The following MYBPC3 variants were observed in gnomAD, a reference collection of about 807,000 sequenced individuals.
MYBPC3 encodes the protein myosin-binding protein C, cardiac-type.
MYBPC3 carries 108 observed loss-of-function variants against 159.3 expected under a neutral mutation model. The observed-to-expected ratio is 0.68, with a 90% CI of 0.58 to 0.80. The LOEUF (loss-of-function observed/expected upper bound fraction) is 0.80, where lower values mean the gene tolerates loss of function less well. Among genes scored for constraint, MYBPC3 ranks in the 30% least tolerant of loss-of-function variants. The pLI is 0.00. For missense variants in MYBPC3, 1,631 were observed against 1,762.1 expected, an observed-to-expected ratio of 0.93 and a Z score of 1.33; for synonymous variants, 730 against 702.0, an observed-to-expected ratio of 1.04 and a Z score of -0.63.
chr11:47,349,675 G>T, intron 5 of MYBPC3, 99 bp downstream of exon 5: 1 of 1,451,368 alleles, frequency 6.9e-7, no homozygotes, highest in Non-Finnish European at 9.2e-7. Flanking sequence ...TGCAGCTCGT[G>T]TGTGCCTCTG....
rs370632180 is a variant in MYBPC3 at position 47,346,632 on chromosome 11, G to C, written c.921C>G (p.Thr307=). ...GTGCTATGTTGGGCACTCACCTCGGGGTCCGGAAACTGCTGCTCCAGGGGT... is the reference window on the plus strand; with the variant it reads ...GTGCTATGTTGGGCACTCACCTCGGCGTCCGGAAACTGCTGCTCCAGGGGT... ...SLLKKRDSFR[T]PRDSKLEAPA... is the part of the protein sequence containing the mutation. Residue 307 remains threonine (T), a synonymous_variant, in exon 11 of 35, where the codon ACC becomes ACG. Coordinates refer to ENST00000545968, the MANE Select transcript of MYBPC3 (RefSeq NM_000256.3). This position sits in a 1 kb window ranked among gnomAD's most constrained non-coding sequence, Gnocchi z 5.3. 6.3e-7 allele frequency: 1 copy of C among 1,596,650 alleles called. No homozygotes were observed.
chr11:47,335,211 TG>T lies in MYBPC3; in HGVS notation c.2738-3del. On this transcript the variant is annotated splice_region_variant and splice_polypyrimidine_tract_variant and intron_variant, in intron 26 of 34. Coordinates refer to ENST00000545968, the MANE Select transcript of MYBPC3 (RefSeq NM_000256.3). ...GCAGGGCAGCCACCCACTCTGAGCC[TG>T]GGGGTGGGGAGGGGGAGGCAAGGCC... The T allele has an allele frequency of 1.9e-6, 3 of 1,581,076 alleles. No individual in the cohort carries two copies. The highest frequency in any genetic ancestry group is 1.7e-5 in the Admixed American group (1 of 57,662).
chr11:47,337,170 A>G (rs1293570062), intron 25 of MYBPC3, among the ~76,000 whole-genome samples: 1 of 152,200 alleles, frequency 6.6e-6, no homozygotes, highest in Non-Finnish European at 1.5e-5. Context: ...GTAGTGTGAG[A>G]GTCAGCTCCA....
chr11:47,348,169 A>G lies in MYBPC3; in HGVS notation c.772+255T>C, dbSNP rs2596403. On this transcript the variant is annotated intron_variant, in intron 6 of 34. Transcript: ENST00000545968. Reference sequence around the variant, plus strand: ...CCAAACATTCAGACAGTGCCAGGCCATGGGCCAGGAGCCGTGACACCAAGA... The same window carrying G: ...CCAAACATTCAGACAGTGCCAGGCCGTGGGCCAGGAGCCGTGACACCAAGA... Among the ~76,000 whole-genome samples the G allele has an allele frequency of 0.99, 151,257 of 152,266 alleles. 75,131 individuals carry two copies. The highest frequency in any genetic ancestry group is 1 in the East Asian group (5,172 of 5,172).
chr11:47,335,515 C>T (rs747810926), intron 26 of MYBPC3: 4 of 283,310 alleles, frequency 1.4e-5, no homozygotes, highest in Non-Finnish European at 1.3e-5. Context: ...TTAGTAGAGA[C>T]GGGGTTTCTC....
chr11:47,338,682 G>A lies in MYBPC3; in HGVS notation c.2149-3C>T, dbSNP rs113182334. 2.5e-6 allele frequency: 4 copies of A among 1,605,280 alleles called. No homozygotes were observed. The African/African-American group carries it at 4.0e-5, about 16-fold the overall frequency. ...CGGCCCTCGGTCTCACACAGCAGCTGGGGGGGTGCAGAGTTGGGGTGAGAT... is the reference window on the plus strand; with the variant it reads ...CGGCCCTCGGTCTCACACAGCAGCTAGGGGGGTGCAGAGTTGGGGTGAGAT... On this transcript the variant is annotated splice_region_variant and splice_polypyrimidine_tract_variant and intron_variant, in intron 22 of 34. Coordinates refer to ENST00000545968, the MANE Select transcript of MYBPC3 (RefSeq NM_000256.3). The surrounding 1 kb of genome is among the most constrained non-coding windows in gnomAD (Gnocchi z 4.7).
chr11:47,341,184 C>G lies in MYBPC3; in HGVS notation c.1851G>C (p.Val617=). ...ACAGGTTGCAGGCGAAGCCCTCGGG[C>G]ACAAAGCTGTAGTCAGCCTCGTCGG... ...TPADEADYSF[V]PEGFACNLSA... is the part of the protein sequence containing the mutation. Residue 617 remains valine, a synonymous_variant, in exon 19 of 35, where the codon GTG becomes GTC. Coordinates refer to ENST00000545968, the MANE Select transcript of MYBPC3 (RefSeq NM_000256.3). The G allele has an allele frequency of 6.3e-7, 1 of 1,588,574 alleles. No individual in the cohort carries two copies. The highest frequency in any genetic ancestry group is 8.6e-7 in the Non-Finnish European group (1 of 1,167,524).
chr11:47,340,883 C>G, intron 20 of MYBPC3, 120 bp downstream of exon 20: 2 of 1,166,412 alleles, frequency 1.7e-6, no homozygotes, highest in Non-Finnish European at 2.3e-6. Context: ...AAAGCTGAAG[C>G]TGGGCCCCAG....
At chr11:47,336,050 C>A in intron 25 of MYBPC3, 39 bp from the exon 26 acceptor site, 2 of 1,398,116 alleles carry the variant, frequency 1.4e-6, no homozygotes, top group South Asian at 3.7e-5. Context: ...CTGAGCAAGC[C>A]TGGGGAAGCT....
chr11:47,350,335 C>A (rs1017030529), intron 3 of MYBPC3, among the ~76,000 whole-genome samples, 167 bp downstream of exon 3: 1 of 152,206 alleles, frequency 6.6e-6, no homozygotes, highest in Non-Finnish European at 1.5e-5. Flanking sequence ...TCATGTTAGC[C>A]AGGATGGTCT....
At position 47,351,532 on chromosome 11, in the gene MYBPC3, G is replaced by T; in HGVS notation, c.26-27C>A. 1 of 1,556,704 alleles carries T rather than the reference G, an allele frequency of 6.4e-7. No homozygotes were observed. The highest frequency in any genetic ancestry group is 8.7e-7 in the Non-Finnish European group (1 of 1,146,972). On this transcript the variant is annotated intron_variant, in intron 1 of 34. Transcript: ENST00000545968. This position sits in a 1 kb window ranked among gnomAD's most constrained non-coding sequence, Gnocchi z 4.2. ...TGAAGGGCCAGGTGGAGGCTACAGC[G>T]GCCCCTGGTTGGAGCGTGCACCCCG...
intron 25 of MYBPC3, 86 bp downstream of exon 25, chr11:47,337,305 C>T (rs534673550): frequency 2.1e-6 from 3 of 1,402,482 alleles, no homozygotes; most frequent in South Asian, 2.7e-5. Context: ...GAGTGTCTAG[C>T]ATGGCTGCCT....
intron 20 of MYBPC3, among the ~76,000 whole-genome samples, chr11:47,340,018 T>C (rs779686701): frequency 2.6e-5 from 4 of 152,160 alleles, no homozygotes; most frequent in Admixed American, 6.6e-5. Context: ...CCCCAGGACG[T>C]TGGCTGGGAG....
rs960769310 is a variant in MYBPC3 at position 47,337,382 on chromosome 11, C to G, written c.2602+9G>C. On this transcript the variant is annotated intron_variant, in intron 25 of 34. Coordinates refer to ENST00000545968, the MANE Select transcript of MYBPC3 (RefSeq NM_000256.3). ...GGGCGGGGGGCAGGACCAGGCCAGG[C>G]AGGCTCACCGATAGGCATGAAGGGC... The G allele has an allele frequency of 1.3e-6, 2 of 1,571,124 alleles. No homozygotes were observed. Among genetic ancestry groups the G allele is most frequent in the Middle Eastern group, 1.7e-4 (1 of 5,810 alleles).
Position 47,333,118 on chromosome 11 carries a change from C to A in MYBPC3, c.3330+76G>T, listed in dbSNP as rs567692440. 347 of 1,542,004 alleles carry A rather than the reference C, an allele frequency of 2.3e-4. 1 individual carries two copies. The highest frequency in any genetic ancestry group is 6.8e-5 in the Non-Finnish European group (78 of 1,141,164). ...GAGGGTGAGGGGTCCACGGTGAGGA[C>A]AGTGAAGGGTAGCTGCGGCCTGGGT... On this transcript the variant is annotated intron_variant, in intron 30 of 34. Transcript: ENST00000545968.
chr11:47,347,738 C>T, intron 7 of MYBPC3, 58 bp from the exon 8 acceptor site: 2 of 1,549,362 alleles, frequency 1.3e-6, no homozygotes, highest in Non-Finnish European at 1.7e-6. Context: ...TCCCCTGCAG[C>T]CCCCACTGAC....
chr11:47,342,047 C>T lies in MYBPC3; in HGVS notation c.1734G>A (p.Leu578=). The T allele has an allele frequency of 6.2e-7, 1 of 1,609,586 alleles. No homozygotes were observed. The highest frequency in any genetic ancestry group is 8.5e-7 in the Non-Finnish European group (1 of 1,177,874). The change falls in exon 18 of 35, where the codon CTG becomes CTA. Residue 578 remains leucine, a synonymous_variant. Coordinates refer to ENST00000545968, the MANE Select transcript of MYBPC3 (RefSeq NM_000256.3). ...VSDENVRGVW[L]KNGKELVPDS... The stretch of plus-strand genomic sequence containing the variant: ...CGGGCACCAGCTCCTTCCCATTCTT[C>T]AGCCACACACCCCGAACATTCTCAT...
rs2301216 is a variant in MYBPC3 at position 47,335,319 on chromosome 11, A to T, written c.2738-110T>A. The T allele has an allele frequency of 0.37, 333,966 of 910,948 alleles. 65,394 individuals are homozygous for T. Among genetic ancestry groups the T allele is most frequent in the East Asian group, 0.69 (21,054 of 30,718 alleles). The allele number at this position is 910,948 out of a possible 1,614,324, so 56.4% of individuals were successfully genotyped here. ...CTCCAGGATTTAAATATGTTTTTTT[A>T]AATTTTTATTTGTTTATTTATTTTT... is the stretch of plus-strand genomic sequence containing the variant. On this transcript the variant is annotated intron_variant, in intron 26 of 34. Transcript: ENST00000545968.
Position 47,333,889 on chromosome 11 carries a change from C to A in MYBPC3, c.2994+33G>T, listed in dbSNP as rs530752470. ...GGGAACAACACACTATAGCCTCTCT[C>A]CCCTGGGGGACAGGGAAGGGGGCCA... On this transcript the variant is annotated intron_variant, in intron 28 of 34. Coordinates refer to ENST00000545968, the MANE Select transcript of MYBPC3 (RefSeq NM_000256.3). 21 of 1,556,862 alleles carry A rather than the reference C, an allele frequency of 1.3e-5. No individual in the cohort carries two copies. In the East Asian group the frequency reaches 3.6e-4, roughly 27 times the overall value.
Sources: allele counts gnomAD v4.1 joint callset (sites outside exome capture counted in the v4.1 genomes callset), GRCh38; gene constraint gnomAD v4.1.1; non-coding constraint Gnocchi (gnomAD v3.1); transcripts MANE v1.5; gene names NCBI Gene and HGNC (gene_info 2026-07-23, HGNC 2026-07-21).